The following CFTR variants were observed in gnomAD, a reference collection of about 807,000 sequenced individuals.
The protein encoded by CFTR is CF transmembrane conductance regulator, also known as cystic fibrosis transmembrane conductance regulator.
CFTR carries 181 observed loss-of-function variants against 171.6 expected under a neutral mutation model. The observed-to-expected ratio is 1.05, with a 90% CI of 0.93 to 1.19. CFTR has a LOEUF of 1.19. Among genes scored for constraint, CFTR ranks in the 50% most tolerant of loss-of-function variants. The probability of loss-of-function intolerance (pLI) is 0.00; values close to 1 mark genes in which losing one functional copy is unlikely to be tolerated. For synonymous variants in CFTR, 583 were observed against 608.0 expected (o/e 0.96, Z 0.60); for missense variants, 1,968 against 1,734.7 (o/e 1.13, Z -2.39).
At chr7:117,533,226 C>G (rs1171093411) in intron 4 of CFTR, among the ~76,000 whole-genome samples, 1 of 152,080 alleles carries the variant, frequency 6.6e-6, no homozygotes, top group East Asian at 1.9e-4. Flanking sequence ...ATTTCCCCCA[C>G]TTCATATTGC....
rs141235765 is a variant in CFTR, at chr7:117,592,312, A to C, written c.2145A>C (p.Gln715His). ...INSIRKFSIV[Q>H]KTPLQMNGIE... ...CTATACGAAAATTTTCCATTGTGCA[A>C]AAGACTCCCTTACAAATGAATGGCA... is the stretch of plus-strand genomic sequence containing the variant. The change falls in exon 14 of 27, where the codon CAA (glutamine) becomes CAC (histidine). Residue 715 changes from glutamine (Q) to histidine (H), a missense_variant. Physicochemically the swap from Gln to His is conservative, Grantham distance 24. Transcript: ENST00000003084. 11 of 1,614,018 alleles carry C rather than the reference A, an allele frequency of 6.8e-6. No individual in the cohort carries two copies. The African/African-American group carries it at 1.5e-4, about 22-fold the overall frequency.
At chr7:117,533,974 T>C (rs959390104) in intron 4 of CFTR, among the ~76,000 whole-genome samples, 4 of 152,040 alleles carry the variant, frequency 2.6e-5, no homozygotes, top group Non-Finnish European at 5.9e-5. Flanking sequence ...AACAAAAAAC[T>C]CCCGCACAAT....
intron 11 of CFTR, among the ~76,000 whole-genome samples, chr7:117,583,890 C>T (rs1791890569): frequency 6.6e-6 from 1 of 152,096 alleles, no homozygotes; most frequent in Non-Finnish European, 1.5e-5. Context: ...GATGGTATCT[C>T]ATTGTGGTTT....
At chr7:117,596,510 G>T (rs1425200471) in intron 15 of CFTR, among the ~76,000 whole-genome samples, 3 of 152,254 alleles carry the variant, frequency 2.0e-5, no homozygotes, top group Non-Finnish European at 2.9e-5. Flanking sequence ...AGGGCGCAGG[G>T]CTGGCAGGCA....
At chr7:117,520,884 A>G (rs1359521546) in intron 3 of CFTR, among the ~76,000 whole-genome samples, 3 of 151,958 alleles carry the variant, frequency 2.0e-5, no homozygotes, top group African/African-American at 7.2e-5. Flanking sequence ...GGTGCTAAAA[A>G]TTCACTTCCA....
At chr7:117,491,165 T>C (rs1459205191) in intron 1 of CFTR, among the ~76,000 whole-genome samples, 2 of 152,068 alleles carry the variant, frequency 1.3e-5, no homozygotes, top group East Asian at 1.9e-4. Context: ...CAGGCAGTTG[T>C]GACACAGTGG....
At chr7:117,652,102 A>T (rs1000824374) in intron 23 of CFTR, among the ~76,000 whole-genome samples, 2 of 152,196 alleles carry the variant, frequency 1.3e-5, no homozygotes, top group Non-Finnish European at 2.9e-5. Flanking sequence ...CTTTTAAGAC[A>T]TTTTTAAATA....
chr7:117,627,406 A>G, intron 21 of CFTR, 116 bp from the exon 22 acceptor site: 1 of 1,078,108 alleles, frequency 9.3e-7, no homozygotes, highest in Non-Finnish European at 1.4e-6. Context: ...CCGACAAATA[A>G]CCAAGTGACA....
intron 23 of CFTR, among the ~76,000 whole-genome samples, chr7:117,651,125 A>G (rs1413236855): frequency 2.6e-5 from 4 of 152,234 alleles, no homozygotes; most frequent in Admixed American, 1.3e-4. Flanking sequence ...GACATGGTTC[A>G]TGATAAGTCT....
At chr7:117,582,249 G>C (rs929440222) in intron 11 of CFTR, among the ~76,000 whole-genome samples, 2 of 152,124 alleles carry the variant, frequency 1.3e-5, no homozygotes, top group Admixed American at 6.6e-5. Flanking sequence ...AAGTAACTGA[G>C]ATTTCACAAT....
intron 3 of CFTR, among the ~76,000 whole-genome samples, chr7:117,511,537 A>G (rs997539000): frequency 6.6e-6 from 1 of 152,212 alleles, no homozygotes; most frequent in African/African-American, 2.4e-5. Flanking sequence ...TGTTTCCATC[A>G]TCTCAACTCC....
At chr7:117,541,027 A>G (rs1460818711) in intron 8 of CFTR, among the ~76,000 whole-genome samples, 2 of 152,130 alleles carry the variant, frequency 1.3e-5, no homozygotes, top group Non-Finnish European at 2.9e-5. Flanking sequence ...CTCCTTTTCC[A>G]CAAGCTGTGA....
At chr7:117,631,572 C>T (rs541011043) in intron 22 of CFTR, among the ~76,000 whole-genome samples, 7 of 152,238 alleles carry the variant, frequency 4.6e-5, no homozygotes, top group African/African-American at 1.4e-4. Context: ...GTAATGAAGC[C>T]ACCCGATAAG....
intron 20 of CFTR, among the ~76,000 whole-genome samples, chr7:117,614,290 A>G (rs1792449407): frequency 6.6e-6 from 1 of 152,096 alleles, no homozygotes; most frequent in Non-Finnish European, 1.5e-5. Context: ...TATTACTTAT[A>G]GAATAATAGT....
intron 15 of CFTR, among the ~76,000 whole-genome samples, 191 bp from the exon 16 acceptor site, chr7:117,602,635 C>T (rs1329683286): frequency 6.6e-6 from 1 of 152,132 alleles, no homozygotes; most frequent in Non-Finnish European, 1.5e-5. Flanking sequence ...GTGGTCTCAT[C>T]ACAAATAATA....
At chr7:117,510,928 T>C (rs1034987242) in intron 3 of CFTR, among the ~76,000 whole-genome samples, 2 of 152,122 alleles carry the variant, frequency 1.3e-5, no homozygotes, top group African/African-American at 2.4e-5. Flanking sequence ...AAGTTGAGCG[T>C]GAGGCAAATT....
chr7:117,642,352 G>GT, intron 22 of CFTR, 86 bp from the exon 23 acceptor site: 1 of 1,288,488 alleles, frequency 7.8e-7, no homozygotes, highest in South Asian at 1.2e-5. Flanking sequence ...TATTCCAATG[G>GT]TTTTTATTGA....
chr7:117,501,679 G>C (rs1264325695), intron 1 of CFTR, among the ~76,000 whole-genome samples: 1 of 147,038 alleles, frequency 6.8e-6, no homozygotes, highest in African/African-American at 2.5e-5. Context: ...CCCAGGAGGT[G>C]GAGGTTGTGG....
At chr7:117,603,890 C>G (rs1778257499) in intron 17 of CFTR, 108 bp downstream of exon 17, 2 of 1,211,196 alleles carry the variant, frequency 1.7e-6, no homozygotes, top group Non-Finnish European at 2.4e-6. Flanking sequence ...AGGCATGTGC[C>G]CTTTGTTGAA....
Sources: allele counts gnomAD v4.1 joint callset (sites outside exome capture counted in the v4.1 genomes callset), GRCh38; gene constraint gnomAD v4.1.1; transcripts MANE v1.5; gene names NCBI Gene and HGNC (gene_info 2026-07-23, HGNC 2026-07-21).